Variants in EYA4 observed in about 807,000 individuals in gnomAD.
EYA4 encodes EYA transcriptional coactivator and phosphatase 4, also known as protein phosphatase EYA4.
In EYA4, 31 loss-of-function variants were observed where a neutral mutation model predicts 87.9. That is an observed-to-expected ratio of 0.35 (90% CI 0.27 to 0.48). The LOEUF (loss-of-function observed/expected upper bound fraction) is 0.48. Among genes scored for constraint, EYA4 ranks in the 20% least tolerant of loss-of-function variants. EYA4 has a pLI of 0.99. For missense variants in EYA4, 678 were observed against 761.4 expected (o/e 0.89, Z 1.29); for synonymous variants, 263 against 270.6 (o/e 0.97, Z 0.28).
intron 19 of EYA4, among the ~76,000 whole-genome samples, chr6:133,527,291 A>C (rs1009613584): frequency 3.3e-5 from 5 of 152,236 alleles, no homozygotes; most frequent in African/African-American, 1.2e-4. Flanking sequence ...GAATGAAAAA[A>C]TGTTACTTCT....
At chr6:133,276,086 G>A (rs1777141034) in intron 2 of EYA4, among the ~76,000 whole-genome samples, 1 of 152,192 alleles carries the variant, frequency 6.6e-6, no homozygotes, top group South Asian at 2.1e-4. Context: ...GGAATCAGAA[G>A]TCTGTCTGTG....
intron 3 of EYA4, among the ~76,000 whole-genome samples, chr6:133,403,404 C>CAATAGGGGA (rs1235763384): frequency 1.3e-5 from 2 of 152,142 alleles, no homozygotes; most frequent in Non-Finnish European, 2.9e-5. Context: ...CTAGCCTAAA[C>CAATAGGGGA]AATAGTATTT....
intron 18 of EYA4, among the ~76,000 whole-genome samples, chr6:133,523,963 C>G (rs1800406802): frequency 6.6e-6 from 1 of 152,138 alleles, no homozygotes; most frequent in South Asian, 2.1e-4. Flanking sequence ...TAAAATCCCC[C>G]ACCAAAAATA....
rs866493085 is a variant in EYA4, at chr6:133,276,851, C to T, written c.33+2038C>T. ...TCCAAAGCTCTCTCCATAACATCGACGTGCCTCATTGCCTTTGGGTTATGC... is the reference window on the plus strand; with the variant it reads ...TCCAAAGCTCTCTCCATAACATCGATGTGCCTCATTGCCTTTGGGTTATGC... On this transcript the variant is annotated intron_variant, in intron 2 of 19. Transcript: ENST00000355286. Among the ~76,000 whole-genome samples, 7 of 149,632 alleles carry T rather than the reference C, an allele frequency of 4.7e-5. No individual in the cohort carries two copies. The East Asian group carries it at 7.8e-4, about 17-fold the overall frequency.
chr6:133,351,597 G>A (rs891668967), intron 2 of EYA4, among the ~76,000 whole-genome samples: 1 of 149,912 alleles, frequency 6.7e-6, no homozygotes, highest in Admixed American at 6.6e-5. Context: ...TGTGATAATA[G>A]TGCTGACCTT....
chr6:133,456,388 C>T, intron 5 of EYA4, 168 bp from the exon 6 acceptor site: 2 of 638,164 alleles, frequency 3.1e-6, no homozygotes, highest in South Asian at 3.6e-5. Flanking sequence ...TAGATTAAAT[C>T]CTCTAAATGC....
intron 2 of EYA4, among the ~76,000 whole-genome samples, chr6:133,313,363 G>A (rs1780381175): frequency 6.6e-6 from 1 of 152,194 alleles, no homozygotes; most frequent in Admixed American, 6.5e-5. Context: ...TAGAATAGAG[G>A]TGGAGATTGA....
At chr6:133,429,737 T>A (rs1191722238) in intron 3 of EYA4, among the ~76,000 whole-genome samples, 2 of 152,366 alleles carry the variant, frequency 1.3e-5, no homozygotes, top group South Asian at 4.1e-4. Flanking sequence ...AGTGACCAGT[T>A]GTATGAACTT....
intron 1 of EYA4, among the ~76,000 whole-genome samples, chr6:133,264,632 C>T (rs763473633): frequency 5.9e-5 from 9 of 152,118 alleles, no homozygotes; most frequent in Non-Finnish European, 1.3e-4. Context: ...AGTGACAAAG[C>T]CTAGGTGTTT....
chr6:133,330,566 TATACACACAC>T (rs770732303), intron 2 of EYA4, among the ~76,000 whole-genome samples: 74 of 54,550 alleles, frequency 1.4e-3, no homozygotes, highest in Admixed American at 3.4e-3. Flanking sequence ...TATATATATA[TATACACACAC>T]ACACACACAC....
At chr6:133,358,148 C>T (rs1784206113) in intron 2 of EYA4, among the ~76,000 whole-genome samples, 1 of 152,126 alleles carries the variant, frequency 6.6e-6, no homozygotes, top group Admixed American at 6.5e-5. Context: ...CAGAGCAAAA[C>T]ACAGTGGTCT....
At chr6:133,466,077 G>A (rs745494662) in intron 10 of EYA4, among the ~76,000 whole-genome samples, 1 of 152,006 alleles carries the variant, frequency 6.6e-6, no homozygotes, top group Non-Finnish European at 1.5e-5. Flanking sequence ...GATTCAAAAC[G>A]AGTAACTCAT....
intron 2 of EYA4, among the ~76,000 whole-genome samples, chr6:133,300,582 T>G (rs1779328321): frequency 6.6e-6 from 1 of 152,052 alleles, no homozygotes; most frequent in Non-Finnish European, 1.5e-5. Flanking sequence ...TGGCACAATC[T>G]CAGCTCACTG....
At chr6:133,463,917 G>A (rs1794628317) in intron 9 of EYA4, among the ~76,000 whole-genome samples, 1 of 151,684 alleles carries the variant, frequency 6.6e-6, no homozygotes, top group South Asian at 2.1e-4. Context: ...GCATGCTATA[G>A]CCACAAAAAT....
intron 1 of EYA4, among the ~76,000 whole-genome samples, chr6:133,271,106 C>G (rs1025852505): frequency 3.9e-5 from 6 of 152,148 alleles, no homozygotes; most frequent in African/African-American, 1.2e-4. Flanking sequence ...AGTGGTGCCA[C>G]TTCCACTTCC....
intron 3 of EYA4, among the ~76,000 whole-genome samples, chr6:133,443,994 T>A (rs1792556556): frequency 6.6e-6 from 1 of 152,200 alleles, no homozygotes; most frequent in Non-Finnish European, 1.5e-5. Flanking sequence ...AGTGTGCATT[T>A]TATAATTATT....
At chr6:133,397,929 A>G (rs1373534563) in intron 3 of EYA4, among the ~76,000 whole-genome samples, 1 of 152,180 alleles carries the variant, frequency 6.6e-6, no homozygotes, top group African/African-American at 2.4e-5. Flanking sequence ...TCTTTCCCAC[A>G]ACATGTGGGA....
intron 2 of EYA4, among the ~76,000 whole-genome samples, chr6:133,354,334 A>G (rs954952448): frequency 2.7e-5 from 4 of 148,826 alleles, no homozygotes; most frequent in African/African-American, 1.0e-4. Context: ...AGTTACTGTT[A>G]TTATTATTAT....
intron 13 of EYA4, among the ~76,000 whole-genome samples, chr6:133,486,829 T>C (rs990521173): frequency 6.6e-6 from 1 of 152,168 alleles, no homozygotes; most frequent in Non-Finnish European, 1.5e-5. Context: ...GTGGAACAAG[T>C]TGGCAAAATA....
Sources: allele counts gnomAD v4.1 joint callset (sites outside exome capture counted in the v4.1 genomes callset), GRCh38; gene constraint gnomAD v4.1.1; transcripts MANE v1.5; gene names NCBI Gene and HGNC (gene_info 2026-07-23, HGNC 2026-07-21).